Variants in NTM observed in about 807,000 individuals in gnomAD.
NTM encodes the protein IgLON family member 2.
Under a neutral mutation model 42.1 loss-of-function variants are expected in NTM, and 13 were observed. The observed-to-expected ratio is 0.31, with a 90% CI of 0.20 to 0.49. The LOEUF is 0.49. NTM is among the 20% of genes least tolerant of loss of function. NTM has a pLI of 0.99. For synonymous variants in NTM, 187 were observed against 179.2 expected (o/e 1.04, Z -0.35); for missense variants, 373 against 452.8 (o/e 0.82, Z 1.60).
At chr11:131,857,024 A>G (rs1389727284) in intron 1 of NTM, among the ~76,000 whole-genome samples, 2 of 152,178 alleles carry the variant, frequency 1.3e-5, no homozygotes, top group Admixed American at 1.3e-4. Flanking sequence ...ATCTTAAAGT[A>G]TCTAAGAAGT....
chr11:131,892,730 C>A (rs2051564495), intron 1 of NTM, among the ~76,000 whole-genome samples: 1 of 152,224 alleles, frequency 6.6e-6, no homozygotes, highest in African/African-American at 2.4e-5. Flanking sequence ...GTGGACTGGG[C>A]AAGAGGGGTA....
chr11:132,209,998 A>C (rs1470148057), intron 3 of NTM, among the ~76,000 whole-genome samples: 1 of 152,202 alleles, frequency 6.6e-6, no homozygotes, highest in African/African-American at 2.4e-5. Context: ...GATCCAACAC[A>C]ACTAGGAATG....
intron 1 of NTM, among the ~76,000 whole-genome samples, chr11:131,376,985 C>T (rs1942057154): frequency 6.6e-6 from 1 of 152,180 alleles, no homozygotes; most frequent in South Asian, 2.1e-4. Flanking sequence ...AGTTGGGTCT[C>T]TCAGATTTGG....
At chr11:131,973,452 G>T (rs1448159950) in intron 2 of NTM, among the ~76,000 whole-genome samples, 4 of 152,210 alleles carry the variant, frequency 2.6e-5, no homozygotes, top group African/African-American at 9.6e-5. Flanking sequence ...ATCCATGCTT[G>T]TTCCTCCACT....
At chr11:131,644,540 T>C (rs1040546054) in intron 1 of NTM, among the ~76,000 whole-genome samples, 3 of 152,222 alleles carry the variant, frequency 2.0e-5, no homozygotes, top group African/African-American at 7.2e-5. Flanking sequence ...AATTCATTAC[T>C]CGCCACAGAA....
At position 132,097,005 on chromosome 11, in the gene NTM, A is replaced by G. The variant is rs554162668; in HGVS notation, c.168-49277A>G. ...AATTGCAGCTTCCCATGATATGACT[A>G]TGACCAAGGGTTACTAACCCAGCTG... On this transcript the variant is annotated intron_variant, in intron 2 of 8. Coordinates refer to ENST00000683400, the MANE Select transcript of NTM (RefSeq NM_001352005.2). Among the ~76,000 whole-genome samples, 3 of 152,288 alleles carry G rather than the reference A, an allele frequency of 2.0e-5. No individual in the cohort carries two copies. The South Asian group carries it at 6.2e-4, about 32-fold the overall frequency.
At chr11:131,455,964 AAGG>A (rs1347507405) in intron 1 of NTM, among the ~76,000 whole-genome samples, 1 of 152,248 alleles carries the variant, frequency 6.6e-6, no homozygotes, top group Non-Finnish European at 1.5e-5. Context: ...GTTTTATAAA[AAGG>A]AGAAATGTTA....
intron 1 of NTM, among the ~76,000 whole-genome samples, chr11:131,774,772 T>C (rs541174900): frequency 6.6e-6 from 1 of 152,320 alleles, no homozygotes; most frequent in African/African-American, 2.4e-5. Context: ...AAGAGTATCA[T>C]TAACACTCTG....
intron 1 of NTM, among the ~76,000 whole-genome samples, chr11:131,620,680 C>T (rs1035803368): frequency 6.6e-6 from 1 of 152,234 alleles, no homozygotes; most frequent in African/African-American, 2.4e-5. Context: ...GCTGACTTCA[C>T]TCAAGTCTAT....
intron 3 of NTM, among the ~76,000 whole-genome samples, chr11:132,160,884 G>A (rs1165936136): frequency 6.6e-6 from 1 of 152,214 alleles, no homozygotes; most frequent in African/African-American, 2.4e-5. Context: ...GAGAGAAGGA[G>A]GAGGGTGAGA....
At chr11:131,503,694 T>TTC (rs1042199498) in intron 1 of NTM, among the ~76,000 whole-genome samples, 2 of 127,370 alleles carry the variant, frequency 1.6e-5, no homozygotes, top group African/African-American at 7.3e-5. Context: ...GGCTAATTGT[T>TTC]TCTCTTTTTT....
intron 1 of NTM, among the ~76,000 whole-genome samples, chr11:131,468,061 G>A (rs1216517619): frequency 6.6e-6 from 1 of 152,236 alleles, no homozygotes. Flanking sequence ...GGATGACGTA[G>A]GGTCAGTGTG....
At chr11:131,619,573 A>G (rs929910108) in intron 1 of NTM, among the ~76,000 whole-genome samples, 3 of 152,192 alleles carry the variant, frequency 2.0e-5, no homozygotes, top group African/African-American at 7.2e-5. Context: ...ATCAGACTAA[A>G]ATGGTGGGGC....
At position 132,146,293 on chromosome 11, in the gene NTM, A is replaced by G; in HGVS notation, c.179A>G (p.Asp60Gly). The change falls in exon 3 of 9, where the codon GAC (aspartate) becomes GGC (glycine). Residue 60 changes from aspartate to glycine, a missense_variant. Physicochemically the swap from Asp to Gly is moderately conservative, Grantham distance 94. This residue lies in a region of NTM where 32 missense variants were observed against 68.8 expected (regional missense o/e 0.47). Transcript: ENST00000683400. The surrounding 1 kb of genome is among the most constrained non-coding windows in gnomAD (Gnocchi z 4.5). ...GGTCTTCCCTTCAGGTGCACTATTG[A>G]CAACCGGGTCACCCGGGTGGCCTGG... The part of the protein sequence containing the change: ...GESATLRCTI[D>G]NRVTRVAWLN... 1 of 1,614,122 alleles carries G rather than the reference A, an allele frequency of 6.2e-7. No individual in the cohort carries two copies. The highest frequency in any genetic ancestry group is 8.5e-7 in the Non-Finnish European group (1 of 1,180,020).
intron 1 of NTM, among the ~76,000 whole-genome samples, chr11:131,741,369 G>T (rs1293650115): frequency 6.6e-6 from 1 of 152,136 alleles, no homozygotes; most frequent in East Asian, 1.9e-4. Flanking sequence ...ATCACTGGGG[G>T]TCTGAGTGCC....
Position 131,878,585 on chromosome 11 carries a change from AAAAAAAAAAATATATATATATATAT to A in NTM, c.83-32977_83-32953del, listed in dbSNP as rs1226013082. Among the ~76,000 whole-genome samples, 7 of 52,908 alleles carry A rather than the reference AAAAAAAAAAATATATATATATATAT, an allele frequency of 1.3e-4. No individual in the cohort carries two copies. The East Asian group carries it at 2.6e-3, about 19-fold the overall frequency. The allele number at this position is 52,908 out of a possible 152,430, so 34.7% of individuals were successfully genotyped here. ...ACTCCATCTCAAAAAAAAAAAAAAAAAAAAAAAAAATATATATATATATATATATATATATATATATATATATATA... is the reference window on the plus strand; with the variant it reads ...ACTCCATCTCAAAAAAAAAAAAAAAAATATATATATATATATATATATATA... On this transcript the variant is annotated intron_variant, in intron 1 of 8. Transcript: ENST00000683400.
intron 3 of NTM, among the ~76,000 whole-genome samples, chr11:132,170,003 C>T (rs762284463): frequency 6.6e-6 from 1 of 152,152 alleles, no homozygotes; most frequent in Non-Finnish European, 1.5e-5. Context: ...TTGATTCGCT[C>T]TTCACTCTGG....
chr11:131,869,088 AC>A (rs1359534274), intron 1 of NTM, among the ~76,000 whole-genome samples: 1 of 144,046 alleles, frequency 6.9e-6, no homozygotes, highest in Non-Finnish European at 1.6e-5. Context: ...ACGTGCAATC[AC>A]CCCCCAGCCC....
intron 1 of NTM, chr11:131,660,951 C>T: frequency 1.5e-6 from 2 of 1,303,994 alleles, no homozygotes; most frequent in Non-Finnish European, 1.0e-6. Flanking sequence ...TCATTCTGCT[C>T]ATCCCCAAGG....
Sources: gnomAD v4.1 joint callset for allele counts (sites outside exome capture counted in the v4.1 genomes callset) on GRCh38, gnomAD v4.1.1 for gene constraint, gnomAD v4.1.1 regional missense constraint, Gnocchi (gnomAD v3.1) non-coding constraint, MANE v1.5 for transcripts, NCBI Gene and HGNC (gene_info 2026-07-23, HGNC 2026-07-21) for gene names.